Variants in LMNB1 observed in about 807,000 individuals in gnomAD.
LMNB1 encodes the protein lamin B1, also known as lamin-B1.
In LMNB1, 23 loss-of-function variants were observed where a neutral mutation model predicts 67.1. The observed-to-expected ratio is 0.34, with a 90% CI of 0.25 to 0.49. The LOEUF (loss-of-function observed/expected upper bound fraction) is 0.49. LMNB1 is among the 20% of genes least tolerant of loss of function. LMNB1 has a pLI of 0.99. For missense variants in LMNB1, 634 were observed against 746.5 expected (o/e 0.85, Z 1.76); for synonymous variants, 281 against 282.9 (o/e 0.99, Z 0.07).
At chr5:126,776,960 C>G (rs1330720898), upstream of LMNB1, 3 of 152,698 alleles carry the variant, frequency 2.0e-5, no homozygotes, top group African/African-American at 7.2e-5. Flanking sequence ...ATTTACAGGC[C>G]CGGCCCCCGA....
intron 1 of LMNB1, among the ~76,000 whole-genome samples, chr5:126,778,507 A>G (rs950651840): frequency 5.9e-5 from 9 of 152,274 alleles, no homozygotes; most frequent in South Asian, 2.1e-4. Flanking sequence ...AGAGAGGCGG[A>G]GCTTGATCCG....
intron 5 of LMNB1, among the ~76,000 whole-genome samples, chr5:126,816,845 CAT>C (rs1250056843): frequency 6.6e-5 from 10 of 152,210 alleles, no homozygotes; most frequent in African/African-American, 2.4e-4. Flanking sequence ...GTGATAACCA[CAT>C]GACATCACTG....
At position 126,836,255 on chromosome 5, in the gene LMNB1, A is replaced by G; in HGVS notation, c.1752A>G (p.Ala584=). The G allele has an allele frequency of 6.2e-7, 1 of 1,609,920 alleles. No homozygotes were observed. Among genetic ancestry groups the G allele is most frequent in the Non-Finnish European group, 8.5e-7 (1 of 1,176,310 alleles). The change falls in exon 11 of 11, where the codon GCA becomes GCG. Residue 584 remains alanine, a synonymous_variant. Coordinates refer to ENST00000261366, the MANE Select transcript of LMNB1 (RefSeq NM_005573.4). The stretch of plus-strand genomic sequence containing the variant: ...CAAGAGCATCCAATAGAAGCTGTGC[A>G]ATTATGTAAAATTTTCAACTGTCTT... ...GTPRASNRSC[A]IM
intron 8 of LMNB1, 67 bp from the exon 9 acceptor site, chr5:126,825,921 C>T (rs1751984712): frequency 6.2e-7 from 1 of 1,604,832 alleles, no homozygotes. Flanking sequence ...AGTCTCATCG[C>T]ATTGCTGTCG....
intron 1 of LMNB1, among the ~76,000 whole-genome samples, chr5:126,799,582 A>G (rs1175596220): frequency 1.3e-5 from 2 of 152,216 alleles, no homozygotes; most frequent in Non-Finnish European, 2.9e-5. Context: ...CTGAGCAGTA[A>G]AGGTACTGAG....
intron 10 of LMNB1, among the ~76,000 whole-genome samples, chr5:126,834,907 C>T (rs754235722): frequency 6.6e-5 from 10 of 152,102 alleles, no homozygotes; most frequent in Non-Finnish European, 8.8e-5. Context: ...CAACTATATC[C>T]GCTCATCCAG....
At chr5:126,784,014 ATTTTTT>A (rs61578729) in intron 1 of LMNB1, among the ~76,000 whole-genome samples, 9 of 59,438 alleles carry the variant, frequency 1.5e-4, no homozygotes, top group East Asian at 1.1e-3. Flanking sequence ...CTGTCATTTG[ATTTTTT>A]TTTTTTTTTT....
intron 1 of LMNB1, among the ~76,000 whole-genome samples, chr5:126,798,067 T>C (rs1265834857): frequency 6.6e-6 from 1 of 151,754 alleles, no homozygotes; most frequent in Non-Finnish European, 1.5e-5. Flanking sequence ...ACCCAGGAGG[T>C]AGAGGTTGCA....
At chr5:126,819,713 C>G (rs1751813160) in intron 6 of LMNB1, among the ~76,000 whole-genome samples, 2 of 151,728 alleles carry the variant, frequency 1.3e-5, no homozygotes, top group Non-Finnish European at 2.9e-5. Context: ...GTCTCAAACT[C>G]CTGACTGCAA....
At chr5:126,819,302 C>T (rs1362896992) in intron 6 of LMNB1, 160 bp downstream of exon 6, 9 of 548,766 alleles carry the variant, frequency 1.6e-5, no homozygotes, top group South Asian at 2.6e-5. Flanking sequence ...ATTTCTACCT[C>T]ATCGCAGAAA....
chr5:126,790,571 A>T (rs1750928005), intron 1 of LMNB1, among the ~76,000 whole-genome samples: 1 of 151,970 alleles, frequency 6.6e-6, no homozygotes, highest in African/African-American at 2.4e-5. Context: ...ACTTTTTCCC[A>T]CTTACTTTTT....
intron 1 of LMNB1, among the ~76,000 whole-genome samples, chr5:126,799,892 C>T (rs1351145813): frequency 3.3e-5 from 5 of 152,156 alleles, no homozygotes; most frequent in Admixed American, 6.6e-5. Flanking sequence ...GCACCAAGGG[C>T]GGTAGCTGAC....
At position 126,826,012 on chromosome 5, in the gene LMNB1, A is replaced by T. The variant is rs1751988660; in HGVS notation, c.1516A>T (p.Thr506Ser). 1 of 1,613,814 alleles carries T rather than the reference A, an allele frequency of 6.2e-7. No homozygotes were observed. Among genetic ancestry groups the T allele is most frequent in the South Asian group, 1.1e-5 (1 of 91,080 alleles). ...VTIWAANAGV[T>S]ASPPTDLIWK... The stretch of plus-strand genomic sequence containing the variant: ...GATTTGGGCTGCAAACGCTGGTGTC[A>T]CAGCCAGCCCCCCAACTGACCTCAT... The change falls in exon 9 of 11, where the codon ACA becomes TCA. Residue 506 changes from threonine to serine, a missense_variant. By Grantham distance (58) the Thr-to-Ser change is moderately conservative (BLOSUM62 1). Coordinates refer to ENST00000261366, the MANE Select transcript of LMNB1 (RefSeq NM_005573.4).
At chr5:126,798,729 CAT>C (rs1751177653) in intron 1 of LMNB1, among the ~76,000 whole-genome samples, 1 of 150,930 alleles carries the variant, frequency 6.6e-6, no homozygotes, top group South Asian at 2.1e-4. Flanking sequence ...CTGGAAAACA[CAT>C]GATACATTTT....
chr5:126,821,852 G>A (rs557279575), intron 7 of LMNB1, among the ~76,000 whole-genome samples: 4 of 152,142 alleles, frequency 2.6e-5, no homozygotes, highest in Non-Finnish European at 5.9e-5. Context: ...CATATGTTCA[G>A]GGCCTGCTAA....
intron 1 of LMNB1, among the ~76,000 whole-genome samples, chr5:126,783,862 A>C (rs1415318165): frequency 6.6e-6 from 1 of 151,910 alleles, no homozygotes; most frequent in Non-Finnish European, 1.5e-5. Flanking sequence ...TTCATGTACA[A>C]ATGTTGAGAA....
chr5:126,787,546 A>ATATATATATATT, intron 1 of LMNB1, among the ~76,000 whole-genome samples: 2 of 65,584 alleles, frequency 3.0e-5, no homozygotes, highest in African/African-American at 1.3e-4. Context: ...ATATATATAT[A>ATATATATATATT]TTTTTTTTTT....
chr5:126,784,572 G>A (rs1459905995), intron 1 of LMNB1, among the ~76,000 whole-genome samples: 2 of 148,010 alleles, frequency 1.4e-5, no homozygotes, highest in South Asian at 2.2e-4. Flanking sequence ...GCCCAGGCTG[G>A]TCTTGAGCTC....
At chr5:126,835,544 C>G (rs1752230148) in intron 10 of LMNB1, among the ~76,000 whole-genome samples, 1 of 152,266 alleles carries the variant, frequency 6.6e-6, no homozygotes, top group East Asian at 1.9e-4. Context: ...ATCCACTGAT[C>G]TCCTATTTCC....
Sources: allele counts gnomAD v4.1 joint callset (sites outside exome capture counted in the v4.1 genomes callset), GRCh38; gene constraint gnomAD v4.1.1; transcripts MANE v1.5; gene names NCBI Gene and HGNC (gene_info 2026-07-23, HGNC 2026-07-21).